The following DCC variants were observed in gnomAD, a reference collection of about 807,000 sequenced individuals.
The protein encoded by DCC is netrin receptor DCC.
In DCC, 58 loss-of-function variants were observed where a neutral mutation model predicts 172.5. The ratio of observed to expected loss-of-function variants is 0.34; its 90% CI spans 0.27 to 0.42. The LOEUF (loss-of-function observed/expected upper bound fraction) is 0.42. Ranked by LOEUF, DCC falls within the 10% of genes least tolerant of loss-of-function variation. DCC has a pLI of 1.00. For missense variants in DCC, 1,740 were observed against 1,791.0 expected, an observed-to-expected ratio of 0.97 and a Z score of 0.51; for synonymous variants, 709 against 644.5, an observed-to-expected ratio of 1.10 and a Z score of -1.52.
chr18:52,646,977 A>G (rs1246598276), intron 1 of DCC, among the ~76,000 whole-genome samples: 3 of 152,194 alleles, frequency 2.0e-5, no homozygotes, highest in African/African-American at 7.2e-5. Context: ...ATCAGGTGTG[A>G]TGGAAAGGGG....
intron 1 of DCC, among the ~76,000 whole-genome samples, chr18:52,399,717 C>T (rs1334403242): frequency 6.6e-6 from 1 of 151,900 alleles, no homozygotes; most frequent in Non-Finnish European, 1.5e-5. Context: ...TATGATCACT[C>T]TATATGATGG....
At chr18:53,221,408 A>G (rs2055930730) in intron 12 of DCC, among the ~76,000 whole-genome samples, 2 of 152,178 alleles carry the variant, frequency 1.3e-5, no homozygotes, top group Non-Finnish European at 2.9e-5. Flanking sequence ...CAATGAGAAA[A>G]TAATGTCAAC....
intron 1 of DCC, among the ~76,000 whole-genome samples, chr18:52,733,271 A>T (rs1332963720): frequency 6.6e-6 from 1 of 152,172 alleles, no homozygotes; most frequent in African/African-American, 2.4e-5. Context: ...AAGTGTCTGC[A>T]GTCCTTTCTA....
chr18:52,910,777 TA>T (rs1296214746), intron 3 of DCC, among the ~76,000 whole-genome samples: 1 of 152,176 alleles, frequency 6.6e-6, no homozygotes, highest in Non-Finnish European at 1.5e-5. Flanking sequence ...TTCAATCTAT[TA>T]TTTGTTTAAC....
chr18:52,786,302 C>A (rs916351844), intron 2 of DCC, among the ~76,000 whole-genome samples: 1 of 151,950 alleles, frequency 6.6e-6, no homozygotes, highest in African/African-American at 2.4e-5. Context: ...CTTTTTGTTT[C>A]TTCCAAGCTG....
chr18:52,833,996 G>A lies in DCC; in HGVS notation c.413-72048G>A, dbSNP rs144682657. On this transcript the variant is annotated intron_variant, in intron 2 of 28. Coordinates refer to ENST00000442544, the MANE Select transcript of DCC (RefSeq NM_005215.4). ...AAGCAGGTCAGTCTGCCAAGCTCCA[G>A]CACAGAACTCCCGGGGCCTATGTGC... Among the ~76,000 whole-genome samples, 760 of 152,208 alleles carry A rather than the reference G, an allele frequency of 5.0e-3. 10 individuals are homozygous for A. Among genetic ancestry groups the A allele is most frequent in the African/African-American group, 0.018 (738 of 41,496 alleles).
intron 1 of DCC, among the ~76,000 whole-genome samples, chr18:52,710,772 G>T (rs758967457): frequency 3.9e-5 from 6 of 152,226 alleles, no homozygotes; most frequent in Non-Finnish European, 7.3e-5. Context: ...GATGGCTCAG[G>T]TTAATAGAGT....
At chr18:52,434,659 C>T (rs1414608988) in intron 1 of DCC, among the ~76,000 whole-genome samples, 5 of 151,318 alleles carry the variant, frequency 3.3e-5, no homozygotes, top group Admixed American at 3.3e-4. Context: ...ACCAGAGACC[C>T]TTTGGAAATG....
intron 25 of DCC, among the ~76,000 whole-genome samples, chr18:53,475,114 A>C (rs2045746282): frequency 6.6e-6 from 1 of 152,348 alleles, no homozygotes; most frequent in African/African-American, 2.4e-5. Flanking sequence ...TGACAGAAGA[A>C]ATTTCTAAGC....
At chr18:53,383,377 A>G (rs1285006206) in intron 15 of DCC, among the ~76,000 whole-genome samples, 2 of 151,726 alleles carry the variant, frequency 1.3e-5, no homozygotes, top group Admixed American at 6.6e-5. Flanking sequence ...CAAATTATGC[A>G]TTTATGTATA....
intron 1 of DCC, among the ~76,000 whole-genome samples, chr18:52,565,871 G>A (rs62083382): frequency 0.28 from 42,074 of 151,980 alleles, 6,617 homozygotes; most frequent in Middle Eastern, 0.37. Flanking sequence ...TTTGGCTTTT[G>A]TTGCCATTGC....
chr18:52,723,861 C>T (rs913148988), intron 1 of DCC, among the ~76,000 whole-genome samples: 1 of 152,152 alleles, frequency 6.6e-6, no homozygotes, highest in Non-Finnish European at 1.5e-5. Flanking sequence ...TAAGCTGACC[C>T]TCAGGCATCC....
rs370795941 is a variant in DCC, at chr18:53,156,377, G to A, written c.1262-979G>A. Among the ~76,000 whole-genome samples, 161 of 151,952 alleles carry A rather than the reference G, an allele frequency of 1.1e-3. 1 individual carries two copies. Among genetic ancestry groups the A allele is most frequent in the Non-Finnish European group, 1.8e-3 (121 of 67,960 alleles). On this transcript the variant is annotated intron_variant, in intron 7 of 28. Coordinates refer to ENST00000442544, the MANE Select transcript of DCC (RefSeq NM_005215.4). ...CACATGCCTGTAATCCCAGCTACTC[G>A]GGAGCCTGAGGCAGGAGAATCACTT... is the stretch of plus-strand genomic sequence containing the variant.
chr18:53,111,267 G>A (rs1434780517), intron 7 of DCC, among the ~76,000 whole-genome samples: 2 of 94,010 alleles, frequency 2.1e-5, no homozygotes, highest in African/African-American at 4.1e-5. Flanking sequence ...GGGGAGGGGG[G>A]AGGGATAGCA....
At chr18:52,456,502 A>G (rs1294063213) in intron 1 of DCC, among the ~76,000 whole-genome samples, 1 of 152,182 alleles carries the variant, frequency 6.6e-6, no homozygotes, top group Non-Finnish European at 1.5e-5. Flanking sequence ...TTAGTGTACC[A>G]AGTTTATCAC....
chr18:52,456,573 T>C (rs553109545), intron 1 of DCC, among the ~76,000 whole-genome samples: 1 of 152,338 alleles, frequency 6.6e-6, no homozygotes, highest in Non-Finnish European at 1.5e-5. Flanking sequence ...GTTTAAAAAA[T>C]AAATTTGACT....
chr18:52,841,684 C>T (rs1312506191), intron 2 of DCC, among the ~76,000 whole-genome samples: 1 of 152,068 alleles, frequency 6.6e-6, no homozygotes, highest in East Asian at 1.9e-4. Context: ...GTGACCTGTC[C>T]AGACCCACTT....
At chr18:52,900,541 A>G (rs540729456) in intron 2 of DCC, among the ~76,000 whole-genome samples, 1 of 152,332 alleles carries the variant, frequency 6.6e-6, no homozygotes, top group East Asian at 1.9e-4. Flanking sequence ...AGGCACTTTT[A>G]CTTTGTATTA....
chr18:52,938,649 T>G (rs1346287412), intron 5 of DCC, among the ~76,000 whole-genome samples: 1 of 152,064 alleles, frequency 6.6e-6, no homozygotes, highest in Admixed American at 6.6e-5. Context: ...AGAAGGAATA[T>G]TAATCACTCA....
Sources: allele counts gnomAD v4.1 joint callset (sites outside exome capture counted in the v4.1 genomes callset), GRCh38; gene constraint gnomAD v4.1.1; transcripts MANE v1.5; gene names NCBI Gene and HGNC (gene_info 2026-07-23, HGNC 2026-07-21).